Variants in LSAMP observed in about 807,000 individuals in gnomAD.
LSAMP encodes limbic system associated membrane protein, also known as limbic system-associated membrane protein.
A neutral mutation model predicts 38.6 loss-of-function variants in LSAMP; 7 were observed. That is an observed-to-expected ratio of 0.18 (90% CI 0.10 to 0.34). The LOEUF (loss-of-function observed/expected upper bound fraction) is 0.34, where lower values mean the gene tolerates loss of function less well. LSAMP is among the 10% of genes least tolerant of loss of function. The probability of loss-of-function intolerance (pLI) is 1.00; values close to 1 mark genes in which losing one functional copy is unlikely to be tolerated. For missense variants in LSAMP, 313 were observed against 420.0 expected, an observed-to-expected ratio of 0.75 and a Z score of 2.23; for synonymous variants, 154 against 166.8, an observed-to-expected ratio of 0.92 and a Z score of 0.59.
chr3:115,937,761 C>A (rs1178238489), intron 3 of LSAMP, among the ~76,000 whole-genome samples: 1 of 151,868 alleles, frequency 6.6e-6, no homozygotes, highest in Non-Finnish European at 1.5e-5. Context: ...AAAGGGAAGC[C>A]CGCAGCATGC....
intron 6 of LSAMP, among the ~76,000 whole-genome samples, chr3:115,833,605 A>T (rs1179827651): frequency 6.6e-6 from 1 of 152,174 alleles, no homozygotes; most frequent in Non-Finnish European, 1.5e-5. Context: ...TATAGTTTGG[A>T]CAAATGTTAA....
Position 116,444,886 on chromosome 3 carries a change from G to A in LSAMP, c.146C>T (p.Ala49Val). 6.2e-7 allele frequency: 1 copy of A among 1,614,050 alleles called. No individual in the cohort carries two copies. Among genetic ancestry groups the A allele is most frequent in the South Asian group, 1.1e-5 (1 of 91,076 alleles). Residue 49 changes from alanine to valine, a missense_variant, in exon 1 of 7, where the codon GCC becomes GTC. By Grantham distance (64) the Ala-to-Val change is moderately conservative. Transcript: ENST00000490035. The part of the protein sequence containing the change: ...DNITVRQGDT[A>V]ILRCVVEDKN... ...TGCCCGAAAGCCCTACCTGAGGATG[G>A]CTGTGTCCCCCTGCCTCACGGTGAT...
intron 6 of LSAMP, among the ~76,000 whole-genome samples, chr3:115,835,797 T>C (rs1290430490): frequency 6.6e-6 from 1 of 152,188 alleles, no homozygotes; most frequent in Non-Finnish European, 1.5e-5. Context: ...CACTTAAATA[T>C]GAAAGTTTCC....
At chr3:116,424,229 G>A (rs2049165768) in intron 1 of LSAMP, among the ~76,000 whole-genome samples, 1 of 152,184 alleles carries the variant, frequency 6.6e-6, no homozygotes, top group African/African-American at 2.4e-5. Flanking sequence ...TATGTGACAT[G>A]TCTTTAGAAG....
intron 3 of LSAMP, among the ~76,000 whole-genome samples, chr3:116,000,622 G>A (rs77135306): frequency 0.018 from 2,704 of 152,238 alleles, 87 homozygotes; most frequent in African/African-American, 0.062. Context: ...ACCTGGTTCT[G>A]TTCTATGAAT....
intron 1 of LSAMP, among the ~76,000 whole-genome samples, chr3:116,341,806 C>T (rs530022823): frequency 3.5e-4 from 53 of 151,786 alleles, no homozygotes; most frequent in African/African-American, 1.2e-3. Context: ...TCAGGCTCCT[C>T]GACACTTGAA....
At chr3:115,934,149 GTGT>G in intron 3 of LSAMP, among the ~76,000 whole-genome samples, 1 of 150,396 alleles carries the variant, frequency 6.6e-6, no homozygotes. Flanking sequence ...AGTTGATGTG[GTGT>G]TTTATTTTTT....
intron 1 of LSAMP, among the ~76,000 whole-genome samples, chr3:116,338,985 G>T (rs2047956407): frequency 6.6e-6 from 1 of 152,032 alleles, no homozygotes; most frequent in Non-Finnish European, 1.5e-5. Context: ...CGAAGACTTT[G>T]TTAGAGTGTT....
intron 6 of LSAMP, among the ~76,000 whole-genome samples, chr3:115,817,756 A>C (rs1189452815): frequency 6.6e-6 from 1 of 152,200 alleles, no homozygotes; most frequent in Non-Finnish European, 1.5e-5. Context: ...AAGATGGAGT[A>C]AGAATTCTCC....
At chr3:116,002,008 C>T (rs1940010204) in intron 3 of LSAMP, among the ~76,000 whole-genome samples, 1 of 152,086 alleles carries the variant, frequency 6.6e-6, no homozygotes, top group Non-Finnish European at 1.5e-5. Flanking sequence ...CAATGTTATC[C>T]TTTTCTTTCT....
chr3:116,272,720 G>A, intron 1 of LSAMP, among the ~76,000 whole-genome samples: 1 of 152,064 alleles, frequency 6.6e-6, no homozygotes, highest in East Asian at 1.9e-4. Flanking sequence ...GAACCCCACA[G>A]GTTCAGGATA....
chr3:116,241,302 T>C (rs907164324), intron 1 of LSAMP, among the ~76,000 whole-genome samples: 23 of 152,212 alleles, frequency 1.5e-4, no homozygotes, highest in African/African-American at 5.3e-4. Context: ...CAGTGGCTCA[T>C]GCCTGTGTAA....
chr3:115,829,323 T>A (rs1934533146), intron 6 of LSAMP, among the ~76,000 whole-genome samples: 1 of 152,000 alleles, frequency 6.6e-6, no homozygotes, highest in South Asian at 2.1e-4. Context: ...CCCGCTTGAG[T>A]CTCTAACCAC....
chr3:116,183,232 A>T (rs748529250), intron 1 of LSAMP, among the ~76,000 whole-genome samples: 1 of 151,840 alleles, frequency 6.6e-6, no homozygotes, highest in Non-Finnish European at 1.5e-5. Flanking sequence ...AGGAAACAAG[A>T]CATGGTTGCA....
intron 1 of LSAMP, among the ~76,000 whole-genome samples, chr3:116,238,492 C>A (rs2046492992): frequency 6.6e-6 from 1 of 152,180 alleles, no homozygotes; most frequent in African/African-American, 2.4e-5. Context: ...GGGACTATGA[C>A]TAGGCAGACA....
intron 1 of LSAMP, among the ~76,000 whole-genome samples, chr3:116,259,390 T>C (rs1400452608): frequency 6.6e-6 from 1 of 152,170 alleles, no homozygotes; most frequent in East Asian, 1.9e-4. Flanking sequence ...TTAATGGCTA[T>C]ACTTTGTTCA....
intron 3 of LSAMP, among the ~76,000 whole-genome samples, chr3:115,932,392 A>T (rs1044336753): frequency 1.3e-5 from 2 of 152,246 alleles, no homozygotes; most frequent in Non-Finnish European, 2.9e-5. Flanking sequence ...TTAGTTAGGC[A>T]TGAATGGATA....
At chr3:116,026,927 G>A (rs1940805046) in intron 2 of LSAMP, among the ~76,000 whole-genome samples, 1 of 152,182 alleles carries the variant, frequency 6.6e-6, no homozygotes, top group Admixed American at 6.5e-5. Context: ...GCCACGAGAA[G>A]AACATACTCA....
chr3:116,145,027 G>GTCTTAATTTTGTCTTAA, intron 1 of LSAMP, among the ~76,000 whole-genome samples: 1 of 151,938 alleles, frequency 6.6e-6, no homozygotes, highest in South Asian at 2.1e-4. Flanking sequence ...TTCTTTTTAA[G>GTCTTAATTTTGTCTTAA]TATTCTGTCT....
Sources: gnomAD v4.1 joint callset for allele counts (sites outside exome capture counted in the v4.1 genomes callset) on GRCh38, gnomAD v4.1.1 for gene constraint, MANE v1.5 for transcripts, NCBI Gene and HGNC (gene_info 2026-07-23, HGNC 2026-07-21) for gene names.